The following SH3RF3 variants were observed in gnomAD, a reference collection of about 807,000 sequenced individuals.
SH3RF3 encodes the protein E3 ubiquitin-protein ligase SH3RF3.
In SH3RF3, 29 loss-of-function variants were observed where a neutral mutation model predicts 66.3. That is an observed-to-expected ratio of 0.44 (90% CI 0.33 to 0.60). The LOEUF (loss-of-function observed/expected upper bound fraction) is 0.60. Ranked by LOEUF, SH3RF3 falls within the 20% of genes least tolerant of loss-of-function variation. SH3RF3 has a pLI of 0.04. For missense variants in SH3RF3, 1,194 were observed against 1,190.9 expected, an observed-to-expected ratio of 1.00 and a Z score of -0.04; for synonymous variants, 583 against 532.0, an observed-to-expected ratio of 1.10 and a Z score of -1.32.
Position 109,389,787 on chromosome 2 carries a change from G to C in SH3RF3, c.946-8803G>C, listed in dbSNP as rs184485984. 7.9e-5 allele frequency among the ~76,000 whole-genome samples: 12 copies of C among 152,206 alleles called. No individual in the cohort carries two copies. In the East Asian group the frequency reaches 2.1e-3, roughly 27 times the overall value. On this transcript the variant is annotated intron_variant, in intron 3 of 9. Transcript: ENST00000309415. Reference sequence around the variant, plus strand: ...ATATGTATAATGCGAGTGATCATTGGTACATCAGAATATAAATGCAGAAAT... The same window carrying C: ...ATATGTATAATGCGAGTGATCATTGCTACATCAGAATATAAATGCAGAAAT...
At chr2:109,349,146 C>A (rs751869025) in intron 2 of SH3RF3, among the ~76,000 whole-genome samples, 5 of 134,326 alleles carry the variant, frequency 3.7e-5, no homozygotes, top group Non-Finnish European at 7.7e-5. Context: ...CTCTCTCCCC[C>A]ATCTGCTGAG....
chr2:109,138,003 A>G (rs1676852828), intron 1 of SH3RF3, among the ~76,000 whole-genome samples: 1 of 152,126 alleles, frequency 6.6e-6, no homozygotes, highest in Admixed American at 6.5e-5. Context: ...AGACACATAC[A>G]TTTATTTCGC....
At chr2:109,433,264 A>G (rs1445218314) in intron 6 of SH3RF3, among the ~76,000 whole-genome samples, 4 of 152,272 alleles carry the variant, frequency 2.6e-5, no homozygotes. Context: ...ATATATGCAA[A>G]GGAAAAATGA....
chr2:109,152,177 T>C (rs1001249142), intron 1 of SH3RF3, among the ~76,000 whole-genome samples: 5 of 152,230 alleles, frequency 3.3e-5, no homozygotes, highest in African/African-American at 9.6e-5. Context: ...GGAAAAGTGC[T>C]CAGCGTCTTA....
chr2:109,357,189 G>T (rs1454217621), intron 2 of SH3RF3, among the ~76,000 whole-genome samples: 3 of 147,148 alleles, frequency 2.0e-5, no homozygotes, highest in South Asian at 4.3e-4. Context: ...TTGTTTTTTG[G>T]TTTTTTTTTT....
chr2:109,193,312 G>A (rs906044692), intron 1 of SH3RF3, among the ~76,000 whole-genome samples: 4 of 152,090 alleles, frequency 2.6e-5, no homozygotes, highest in Admixed American at 6.5e-5. Flanking sequence ...TTCACATACC[G>A]TGAATTCATC....
intron 4 of SH3RF3, among the ~76,000 whole-genome samples, chr2:109,415,423 C>T (rs1478712030): frequency 6.6e-6 from 1 of 152,180 alleles, no homozygotes; most frequent in African/African-American, 2.4e-5. Context: ...CTGGGCCCAG[C>T]CATGGTAGAC....
intron 8 of SH3RF3, among the ~76,000 whole-genome samples, chr2:109,475,502 C>T (rs1373853430): frequency 6.6e-6 from 1 of 152,176 alleles, no homozygotes; most frequent in Admixed American, 6.5e-5. Context: ...CTGAAGCCAC[C>T]CACCTACTTC....
At chr2:109,289,101 G>A (rs1681104055) in intron 1 of SH3RF3, among the ~76,000 whole-genome samples, 1 of 152,160 alleles carries the variant, frequency 6.6e-6, no homozygotes. Context: ...TTATAAAGCT[G>A]AACTGGATTT....
At chr2:109,275,199 G>A (rs138500477) in intron 1 of SH3RF3, among the ~76,000 whole-genome samples, 34 of 152,260 alleles carry the variant, frequency 2.2e-4, no homozygotes, top group East Asian at 1.9e-3. Context: ...GTGGTTTCTC[G>A]TACTTTGCTG....
intron 9 of SH3RF3, among the ~76,000 whole-genome samples, chr2:109,495,876 C>A (rs968036504): frequency 6.6e-6 from 1 of 152,014 alleles, no homozygotes; most frequent in African/African-American, 2.4e-5. Context: ...TTGTAAATCA[C>A]CTAGATTAAC....
intron 9 of SH3RF3, among the ~76,000 whole-genome samples, chr2:109,491,832 A>G (rs542841950): frequency 6.6e-6 from 1 of 152,318 alleles, no homozygotes; most frequent in Admixed American, 6.5e-5. Flanking sequence ...TTTCTGCCAG[A>G]ACCTTTCCTC....
chr2:109,317,406 G>A (rs550370891), intron 1 of SH3RF3, among the ~76,000 whole-genome samples: 1 of 152,216 alleles, frequency 6.6e-6, no homozygotes, highest in Admixed American at 6.5e-5. Context: ...CTTTTTCCCT[G>A]TTAGCGCTCA....
chr2:109,319,252 T>C (rs1681961008), intron 1 of SH3RF3, among the ~76,000 whole-genome samples: 1 of 152,216 alleles, frequency 6.6e-6, no homozygotes, highest in East Asian at 1.9e-4. Flanking sequence ...CTTGCTGCAT[T>C]TTTTGGAGTT....
chr2:109,371,722 C>G (rs1168081159), intron 3 of SH3RF3, 41 bp downstream of exon 3: 1 of 1,577,450 alleles, frequency 6.3e-7, no homozygotes, highest in Non-Finnish European at 8.7e-7. Flanking sequence ...TCCTTCTTGC[C>G]CACCCTTGTT....
At chr2:109,344,039 C>T (rs749231840) in intron 1 of SH3RF3, among the ~76,000 whole-genome samples, 13 of 152,184 alleles carry the variant, frequency 8.5e-5, no homozygotes, top group African/African-American at 1.2e-4. Flanking sequence ...CCACCATACC[C>T]GTCCCCAGAT....
chr2:109,430,070 C>G (rs1015388001), intron 5 of SH3RF3, among the ~76,000 whole-genome samples: 4 of 152,206 alleles, frequency 2.6e-5, no homozygotes, highest in Non-Finnish European at 5.9e-5. Context: ...TGGTCAGCAG[C>G]TAGGGCGTGT....
chr2:109,219,662 C>G (rs150172084), intron 1 of SH3RF3, among the ~76,000 whole-genome samples: 4 of 151,758 alleles, frequency 2.6e-5, no homozygotes, highest in Non-Finnish European at 5.9e-5. Context: ...TTGAACAATC[C>G]GAAAAGGAAA....
chr2:109,295,430 C>A (rs754203311), intron 1 of SH3RF3, among the ~76,000 whole-genome samples: 2 of 152,192 alleles, frequency 1.3e-5, no homozygotes, highest in South Asian at 4.1e-4. Context: ...GAACTCAGGG[C>A]GGGAGCCGAG....
Sources: gnomAD v4.1 joint callset for allele counts (sites outside exome capture counted in the v4.1 genomes callset) on GRCh38, gnomAD v4.1.1 for gene constraint, MANE v1.5 for transcripts, NCBI Gene and HGNC (gene_info 2026-07-23, HGNC 2026-07-21) for gene names.